The following PCNT variants were observed in gnomAD, a reference collection of about 807,000 sequenced individuals.
The protein encoded by PCNT is kendrin.
PCNT carries 319 observed loss-of-function variants against 380.4 expected under a neutral mutation model. That is an observed-to-expected ratio of 0.84 (90% CI 0.77 to 0.92). PCNT has a LOEUF of 0.92. PCNT is among the 40% of genes least tolerant of loss of function. The pLI, the probability that PCNT is intolerant of heterozygous loss-of-function variation, is 0.00. For synonymous variants in PCNT, 1,845 were observed against 1,735.2 expected (o/e 1.06, Z -1.57); for missense variants, 4,400 against 4,255.3 (o/e 1.03, Z -0.95).
chr21:46,356,247 C>A (rs566877307), intron 12 of PCNT, among the ~76,000 whole-genome samples: 211 of 152,274 alleles, frequency 1.4e-3, no homozygotes, highest in Non-Finnish European at 2.3e-3. Flanking sequence ...GGCCGCGGGT[C>A]CTGCTGGGAG....
chr21:46,409,481 C>T (rs1262879736), intron 27 of PCNT, among the ~76,000 whole-genome samples: 1 of 152,202 alleles, frequency 6.6e-6, no homozygotes, highest in Non-Finnish European at 1.5e-5. Flanking sequence ...AGCCACTGTG[C>T]CCCGCCAGAT....
chr21:46,366,596 A>G lies in PCNT; in HGVS notation c.2622A>G (p.Glu874=), dbSNP rs1205420973. The change falls in exon 15 of 47, where the codon GAA becomes GAG. Residue 874 remains glutamate (E), a synonymous_variant. Coordinates refer to ENST00000359568, the MANE Select transcript of PCNT (RefSeq NM_006031.6). ...TTTGTTGCCGCAGGTTTTTAGAGGA[A>G]CGTAAAGAGATCACCGAGAAATTCA... ...LMLARSRFLE[E]RKEITEKFSA... is the part of the protein sequence containing the mutation. 1 of 1,613,834 alleles carries G rather than the reference A, an allele frequency of 6.2e-7. No homozygotes were observed. The highest frequency in any genetic ancestry group is 1.3e-5 in the African/African-American group (1 of 75,006).
In PCNT at chr21:46,430,471, C is replaced by T. The variant is rs780802946; in HGVS notation, c.7914-36C>T. Reference sequence around the variant, plus strand: ...CAGCCCCCGGGAACACACTCTGGCCCACGTGGTCAGATTGTTCTGCGATGT... The same window carrying T: ...CAGCCCCCGGGAACACACTCTGGCCTACGTGGTCAGATTGTTCTGCGATGT... On this transcript the variant is annotated intron_variant, in intron 36 of 46. Transcript: ENST00000359568. 4 of 1,548,752 alleles carry T rather than the reference C, an allele frequency of 2.6e-6. No individual in the cohort carries two copies. In the African/African-American group the frequency reaches 4.1e-5, roughly 16 times the overall value.
intron 15 of PCNT, among the ~76,000 whole-genome samples, chr21:46,373,116 C>A (rs1209172492): frequency 6.6e-6 from 1 of 152,136 alleles, no homozygotes; most frequent in Non-Finnish European, 1.5e-5. Flanking sequence ...GAACGCCTGG[C>A]CTCAAGTGGT....
chr21:46,429,714 G>T (rs1278194082), intron 35 of PCNT, among the ~76,000 whole-genome samples: 1 of 152,164 alleles, frequency 6.6e-6, no homozygotes, highest in African/African-American at 2.4e-5. Context: ...CTCTGTTGGA[G>T]GCAGTTTAGG....
Position 46,428,541 on chromosome 21 carries a change from AAGCGCAGAGGCGCGCGGG to A in PCNT, c.7645_7662del (p.Ala2549_Ser2554del). 1 of 1,609,856 alleles carries A rather than the reference AAGCGCAGAGGCGCGCGGG, an allele frequency of 6.2e-7. No individual in the cohort carries two copies. Among genetic ancestry groups the A allele is most frequent in the Non-Finnish European group, 8.5e-7 (1 of 1,179,628 alleles). On this transcript the variant is annotated inframe_deletion, in exon 35 of 47. Coordinates refer to ENST00000359568, the MANE Select transcript of PCNT (RefSeq NM_006031.6). ...TGCAGCACTTGCGCACGGCGCTGAC[AAGCGCAGAGGCGCGCGGG>A]AGCCAGCAGGAGCACCAGCTGCGCA... is the stretch of plus-strand genomic sequence containing the variant.
At chr21:46,430,893 G>A (rs570317776) in intron 37 of PCNT, 6 of 978,482 alleles carry the variant, frequency 6.1e-6, no homozygotes, top group East Asian at 1.1e-4. Context: ...CCTGCTCGGA[G>A]CCCCCCCCCG....
intron 31 of PCNT, among the ~76,000 whole-genome samples, chr21:46,419,603 T>C (rs937047209): frequency 1.3e-5 from 2 of 152,250 alleles, no homozygotes; most frequent in South Asian, 2.1e-4. Flanking sequence ...TTTGTTTTTC[T>C]TGGCTCAGTT....
chr21:46,396,184 G>A (rs554658875), intron 21 of PCNT, among the ~76,000 whole-genome samples: 35 of 152,332 alleles, frequency 2.3e-4, no homozygotes, highest in Admixed American at 1.0e-3. Flanking sequence ...CACTTGGGCC[G>A]GGGCTTCGCC....
rs111737555 is a variant in PCNT, at chr21:46,334,574, A to G, written c.445A>G (p.Ser149Gly). Residue 149 changes from serine to glycine, a missense_variant, in exon 3 of 47, where the codon AGT (serine) becomes GGT (glycine). Physicochemically the swap from Ser to Gly is moderately conservative, Grantham distance 56 (BLOSUM62 0). Coordinates refer to ENST00000359568, the MANE Select transcript of PCNT (RefSeq NM_006031.6). ...PPEQRGMFTV[S>G]DHPPEQHGMF... ...AGAACAGCGTGGGATGTTCACAGTCAGTGACCACCCACCAGAACAGCATGG... is the reference window on the plus strand; with the variant it reads ...AGAACAGCGTGGGATGTTCACAGTCGGTGACCACCCACCAGAACAGCATGG... 8.5e-5 allele frequency: 133 copies of G among 1,563,286 alleles called. No homozygotes were observed. Among genetic ancestry groups the G allele is most frequent in the Non-Finnish European group, 9.7e-5 (110 of 1,138,610 alleles).
At chr21:46,355,423 C>G in intron 11 of PCNT, 29 bp from the exon 12 acceptor site, 2 of 1,611,482 alleles carry the variant, frequency 1.2e-6, no homozygotes, top group Non-Finnish European at 1.7e-6. Flanking sequence ...GGCTCACTAA[C>G]GTGCTTGTCC....
chr21:46,437,653 C>G (rs538933464), intron 40 of PCNT, among the ~76,000 whole-genome samples: 1 of 152,228 alleles, frequency 6.6e-6, no homozygotes, highest in African/African-American at 2.4e-5. Flanking sequence ...TGTTCTGTGG[C>G]ATTTATGAAA....
At chr21:46,355,689 AGCCTGGGT>A (rs1208343462) in intron 12 of PCNT, 63 bp downstream of exon 12, 8 of 1,560,202 alleles carry the variant, frequency 5.1e-6, no homozygotes, top group Non-Finnish European at 7.0e-6. Flanking sequence ...GTTCTCGGGG[AGCCTGGGT>A]GCCTGGGTTC....
At chr21:46,337,224 G>A (rs1569166471) in intron 3 of PCNT, among the ~76,000 whole-genome samples, 1 of 151,998 alleles carries the variant, frequency 6.6e-6, no homozygotes, top group South Asian at 2.1e-4. Flanking sequence ...TGATCCACCC[G>A]CCTCAACCCC....
intron 15 of PCNT, among the ~76,000 whole-genome samples, chr21:46,377,538 T>C (rs1051439545): frequency 2.0e-5 from 3 of 152,288 alleles, no homozygotes; most frequent in African/African-American, 7.2e-5. Context: ...TCACTTATCT[T>C]AGAGCTGAGA....
At chr21:46,326,097 T>A (rs901218693) in intron 1 of PCNT, among the ~76,000 whole-genome samples, 1 of 152,244 alleles carries the variant, frequency 6.6e-6, no homozygotes, top group African/African-American at 2.4e-5. Flanking sequence ...TTTAAAGTTT[T>A]ATTTTTCTGT....
Position 46,416,168 on chromosome 21 carries a change from A to T in PCNT, c.6250A>T (p.Met2084Leu). 1 of 1,614,202 alleles carries T rather than the reference A, an allele frequency of 6.2e-7. No individual in the cohort carries two copies. Among genetic ancestry groups the T allele is most frequent in the Non-Finnish European group, 8.5e-7 (1 of 1,180,046 alleles). ...AAAACTGAACCGTTTGCTGTATTCC[A>T]TGACCTTCCAGAATGTGGATGCTGC... Reference protein sequence around the residue: ...QEKLNRLLYSMTFQNVDAADT... With the variant: ...QEKLNRLLYSLTFQNVDAADT... Residue 2084 changes from methionine to leucine, a missense_variant, in exon 30 of 47, where the codon ATG becomes TTG. Met to Leu is a conservative substitution (Grantham distance 15, BLOSUM62 2). Transcript: ENST00000359568.
chr21:46,380,734 G>A (rs151114135), intron 15 of PCNT, among the ~76,000 whole-genome samples: 3 of 152,154 alleles, frequency 2.0e-5, no homozygotes, highest in Non-Finnish European at 4.4e-5. Context: ...AACCTGACCA[G>A]ATTTCCACAG....
At chr21:46,419,700 A>G (rs1257333889) in intron 31 of PCNT, among the ~76,000 whole-genome samples, 1 of 152,052 alleles carries the variant, frequency 6.6e-6, no homozygotes, top group Non-Finnish European at 1.5e-5. Flanking sequence ...TGCTTCCCCA[A>G]CAACTCTCAG....
Sources: allele counts gnomAD v4.1 joint callset (sites outside exome capture counted in the v4.1 genomes callset), GRCh38; gene constraint gnomAD v4.1.1; transcripts MANE v1.5; gene names NCBI Gene and HGNC (gene_info 2026-07-23, HGNC 2026-07-21).